The following AFAP1 variants were observed in gnomAD, a reference collection of about 807,000 sequenced individuals.
The protein encoded by AFAP1 is actin filament-associated protein 1.
In AFAP1, 75 loss-of-function variants were observed where a neutral mutation model predicts 93.9. The ratio of observed to expected loss-of-function variants is 0.80; its 90% CI spans 0.66 to 0.97. AFAP1 has a LOEUF of 0.97. Ranked by LOEUF, AFAP1 falls within the 50% of genes least tolerant of loss-of-function variation. The probability of loss-of-function intolerance (pLI) is 0.00; values close to 1 mark genes in which losing one functional copy is unlikely to be tolerated. For synonymous variants in AFAP1, 517 were observed against 430.7 expected, an observed-to-expected ratio of 1.20 and a Z score of -2.48; for missense variants, 1,201 against 1,050.8, an observed-to-expected ratio of 1.14 and a Z score of -1.98.
chr4:7,835,418 T>G (rs1712182050), intron 6 of AFAP1, among the ~76,000 whole-genome samples: 2 of 109,354 alleles, frequency 1.8e-5, no homozygotes, highest in Admixed American at 8.8e-5. Context: ...GACTGCGGGC[T>G]GCCTTACAGT....
rs966399707 is a variant in AFAP1, at chr4:7,939,071, G to C, written c.-3+585C>G. The stretch of plus-strand genomic sequence containing the variant: ...GGCGGGGTCGACCCAGACGAGCCAC[G>C]GGGCGGCGCAGAGCCCCACTCGCAG... On this transcript the variant is annotated intron_variant, in intron 1 of 17. Coordinates refer to ENST00000420658, the MANE Select transcript of AFAP1 (RefSeq NM_001134647.2). The surrounding 1 kb of genome is among the most constrained non-coding windows in gnomAD (Gnocchi z 5.6). 4.5e-5 allele frequency: 7 copies of C among 156,238 alleles called. No individual in the cohort carries two copies. Among genetic ancestry groups the C allele is most frequent in the African/African-American group, 1.7e-4 (7 of 41,482 alleles). 9.7% of individuals were successfully genotyped at this position (156,238 alleles called of 1,614,324 possible).
intron 1 of AFAP1, among the ~76,000 whole-genome samples, chr4:7,880,358 C>CA (rs1397378793): frequency 6.9e-6 from 1 of 145,786 alleles, no homozygotes; most frequent in Non-Finnish European, 1.5e-5. Flanking sequence ...TGGCTCACTG[C>CA]AATCTCTGCC....
At chr4:7,904,528 G>A (rs143840028) in intron 1 of AFAP1, among the ~76,000 whole-genome samples, 14 of 152,002 alleles carry the variant, frequency 9.2e-5, no homozygotes, top group African/African-American at 3.4e-4. Flanking sequence ...GTTTTATCTC[G>A]TCTAGTTCTC....
chr4:7,838,681 T>C lies in AFAP1; in HGVS notation c.569A>G (p.Gln190Arg), dbSNP rs754676773. 1.9e-6 allele frequency: 3 copies of C among 1,614,178 alleles called. No homozygotes were observed. Among genetic ancestry groups the C allele is most frequent in the Non-Finnish European group, 1.7e-6 (2 of 1,180,016 alleles). ...KLLCYKSSKD[Q>R]QPQMELPLQG... ...GAGTGGCAGTTCCATCTGAGGCTGC[T>C]GGTCCTTGGAACTTTTATAGCACTG... The change falls in exon 6 of 18, where the codon CAG becomes CGG. Residue 190 changes from glutamine (Q) to arginine (R), a missense_variant. Gln to Arg is a conservative substitution (Grantham distance 43). Transcript: ENST00000420658.
intron 1 of AFAP1, among the ~76,000 whole-genome samples, chr4:7,901,372 T>C (rs901118453): frequency 6.6e-6 from 1 of 152,224 alleles, no homozygotes; most frequent in Non-Finnish European, 1.5e-5. Flanking sequence ...GATTAAAATA[T>C]GCAGAGCACC....
chr4:7,844,130 C>T (rs1465251747), intron 4 of AFAP1, among the ~76,000 whole-genome samples: 1 of 152,144 alleles, frequency 6.6e-6, no homozygotes, highest in Non-Finnish European at 1.5e-5. Context: ...AAGCTGGGTG[C>T]TATGGACTGA....
intron 1 of AFAP1, among the ~76,000 whole-genome samples, chr4:7,882,238 GA>G (rs1233652282): frequency 2.0e-5 from 3 of 151,566 alleles, no homozygotes; most frequent in Non-Finnish European, 2.9e-5. Flanking sequence ...AATTTCGTAA[GA>G]AAAAAATAAT....
At chr4:7,785,355 C>CATGGATAG (rs1326236885) in intron 12 of AFAP1, among the ~76,000 whole-genome samples, 1 of 152,124 alleles carries the variant, frequency 6.6e-6, no homozygotes, top group Non-Finnish European at 1.5e-5. Context: ...ACACCTCCTG[C>CATGGATAG]ATGGATAGAT....
intron 1 of AFAP1, among the ~76,000 whole-genome samples, chr4:7,891,758 A>T (rs1337005463): frequency 6.7e-6 from 1 of 150,230 alleles, no homozygotes; most frequent in African/African-American, 2.4e-5. Flanking sequence ...AAAAAAAAAA[A>T]AAAAAAAAGG....
chr4:7,814,760 G>T (rs1358598969), intron 8 of AFAP1, among the ~76,000 whole-genome samples: 5 of 152,206 alleles, frequency 3.3e-5, no homozygotes, highest in Non-Finnish European at 7.3e-5. Flanking sequence ...AGAGGCAGAG[G>T]CAGACGGGGG....
chr4:7,934,266 C>G (rs990024896), intron 1 of AFAP1, among the ~76,000 whole-genome samples: 1 of 152,198 alleles, frequency 6.6e-6, no homozygotes, highest in Non-Finnish European at 1.5e-5. Flanking sequence ...CAGACTAACC[C>G]GGCTCCAGAT....
chr4:7,925,515 C>T (rs775750408), intron 1 of AFAP1, among the ~76,000 whole-genome samples: 1 of 152,036 alleles, frequency 6.6e-6, no homozygotes, highest in Non-Finnish European at 1.5e-5. Context: ...GAGTTCAAGA[C>T]CAGCCTGACC....
intron 4 of AFAP1, among the ~76,000 whole-genome samples, chr4:7,845,870 G>A (rs1211546834): frequency 5.6e-5 from 7 of 123,990 alleles, no homozygotes; most frequent in African/African-American, 1.7e-4. Context: ...AGCTCTGCTG[G>A]ACGGCACAGG....
chr4:7,846,420 G>A (rs565954182), intron 4 of AFAP1, among the ~76,000 whole-genome samples: 7 of 152,322 alleles, frequency 4.6e-5, no homozygotes, highest in African/African-American at 1.7e-4. Flanking sequence ...CGCAGATCGC[G>A]TGCTGTGCTA....
chr4:7,776,870 A>C (rs1322320914), intron 14 of AFAP1: 5 of 152,222 alleles, frequency 3.3e-5, no homozygotes, highest in Non-Finnish European at 5.9e-5. Context: ...ACTCAATGCA[A>C]TCACCTATAA....
Position 7,761,135 on chromosome 4 carries a change from T to C in AFAP1, c.*2630A>G, listed in dbSNP as rs1234123859. On this transcript the variant is annotated 3_prime_UTR_variant, in exon 18 of 18. Transcript: ENST00000420658. ...CAAGATGGCTCGCGTGTGTCTAATATGTACAGATATAAATTAAAAACTATA... is the reference window on the plus strand; with the variant it reads ...CAAGATGGCTCGCGTGTGTCTAATACGTACAGATATAAATTAAAAACTATA... The C allele has an allele frequency of 2.6e-5, 4 of 152,334 alleles. No homozygotes were observed. The highest frequency in any genetic ancestry group is 3.4e-3 in the Middle Eastern group (1 of 294). The allele number at this position is 152,334 out of a possible 1,614,324, so 9.4% of individuals were successfully genotyped here.
intron 1 of AFAP1, among the ~76,000 whole-genome samples, chr4:7,904,945 C>T (rs1018746301): frequency 1.2e-3 from 186 of 152,200 alleles, no homozygotes; most frequent in African/African-American, 3.9e-3. Context: ...TGGGCTCAAG[C>T]GATCCTCCCA....
intron 16 of AFAP1, 150 bp from the exon 17 acceptor site, chr4:7,769,158 G>A (rs895381889): frequency 3.0e-5 from 32 of 1,067,730 alleles, no homozygotes; most frequent in Non-Finnish European, 3.9e-5. Context: ...CGTGGTCAGT[G>A]CCTCACCCCC....
intron 1 of AFAP1, among the ~76,000 whole-genome samples, chr4:7,900,288 C>A (rs902903400): frequency 9.0e-6 from 1 of 110,920 alleles, no homozygotes; most frequent in Non-Finnish European, 2.1e-5. Flanking sequence ...GAAACCCCCC[C>A]AAGAATGTCT....
Sources: gnomAD v4.1 joint callset for allele counts (sites outside exome capture counted in the v4.1 genomes callset) on GRCh38, gnomAD v4.1.1 for gene constraint, Gnocchi (gnomAD v3.1) non-coding constraint, MANE v1.5 for transcripts, NCBI Gene and HGNC (gene_info 2026-07-23, HGNC 2026-07-21) for gene names.